The following TCERG1L variants were observed in gnomAD, a reference collection of about 807,000 sequenced individuals.
TCERG1L encodes transcription elongation regulator 1 like.
TCERG1L carries 37 observed loss-of-function variants against 56.3 expected under a neutral mutation model. The observed-to-expected ratio is 0.66, with a 90% CI of 0.51 to 0.87. The LOEUF is 0.87. Among genes scored for constraint, TCERG1L ranks in the 40% least tolerant of loss-of-function variants. TCERG1L has a pLI of 0.00. For synonymous variants in TCERG1L, 324 were observed against 326.3 expected, an observed-to-expected ratio of 0.99 and a Z score of 0.08; for missense variants, 799 against 774.2, an observed-to-expected ratio of 1.03 and a Z score of -0.38.
At chr10:131,174,344 T>C (rs1846124492) in intron 4 of TCERG1L, among the ~76,000 whole-genome samples, 1 of 152,170 alleles carries the variant, frequency 6.6e-6, no homozygotes, top group Admixed American at 6.5e-5. Flanking sequence ...GTGGGGCCGT[T>C]TCCCTGGGAG....
intron 9 of TCERG1L, among the ~76,000 whole-genome samples, chr10:131,109,916 C>A (rs1215253253): frequency 6.6e-5 from 10 of 152,204 alleles, no homozygotes; most frequent in African/African-American, 2.2e-4. Context: ...CAGGCCAGGG[C>A]GGCAGTTTCC....
intron 9 of TCERG1L, among the ~76,000 whole-genome samples, chr10:131,110,144 A>G (rs930273149): frequency 1.3e-5 from 2 of 152,192 alleles, no homozygotes; most frequent in African/African-American, 4.8e-5. Flanking sequence ...TCCCTTTCAC[A>G]GCGGTTTTCA....
At chr10:131,093,358 C>G in intron 11 of TCERG1L, 40 bp from the exon 12 acceptor site, 1 of 1,601,262 alleles carries the variant, frequency 6.2e-7, no homozygotes, top group Non-Finnish European at 8.5e-7. Context: ...TTCCAGAGAG[C>G]AACTCTGGCC....
At chr10:131,100,114 G>A (rs757254982) in intron 10 of TCERG1L, among the ~76,000 whole-genome samples, 6 of 152,170 alleles carry the variant, frequency 3.9e-5, no homozygotes, top group African/African-American at 9.7e-5. Flanking sequence ...TGATCCACCC[G>A]CCTCAGCCTT....
intron 3 of TCERG1L, among the ~76,000 whole-genome samples, chr10:131,278,557 G>A (rs1846418847): frequency 6.6e-6 from 1 of 151,882 alleles, no homozygotes; most frequent in Non-Finnish European, 1.5e-5. Context: ...TGGGCAGCTT[G>A]GTCTCGAACC....
At chr10:131,192,650 C>A (rs1255896651) in intron 4 of TCERG1L, among the ~76,000 whole-genome samples, 1 of 144,874 alleles carries the variant, frequency 6.9e-6, no homozygotes, top group Non-Finnish European at 1.5e-5. Flanking sequence ...GGTATATCTA[C>A]ACCATGGAAT....
chr10:131,120,129 C>T (rs946326666), intron 8 of TCERG1L, among the ~76,000 whole-genome samples: 12 of 152,148 alleles, frequency 7.9e-5, no homozygotes, highest in African/African-American at 2.9e-4. Context: ...AGCCTCTGAG[C>T]TTGCCAATCG....
intron 3 of TCERG1L, among the ~76,000 whole-genome samples, chr10:131,280,398 G>C (rs139798159): frequency 6.9e-6 from 1 of 143,956 alleles, no homozygotes; most frequent in Non-Finnish European, 1.5e-5. Context: ...GTCTGGAAAC[G>C]AGGGACAACC....
At chr10:131,116,623 C>T (rs1437986912) in intron 9 of TCERG1L, among the ~76,000 whole-genome samples, 176 bp downstream of exon 9, 1 of 152,158 alleles carries the variant, frequency 6.6e-6, no homozygotes, top group South Asian at 2.1e-4. Flanking sequence ...CCTGGGATGG[C>T]GACTCAGCCT....
chr10:131,184,688 G>A (rs943224746), intron 4 of TCERG1L, among the ~76,000 whole-genome samples: 9 of 152,180 alleles, frequency 5.9e-5, no homozygotes, highest in Non-Finnish European at 8.8e-5. Flanking sequence ...AGTTGTGAAC[G>A]GGAAGCCCAG....
At chr10:131,219,282 C>T (rs1845705017) in intron 4 of TCERG1L, among the ~76,000 whole-genome samples, 1 of 152,198 alleles carries the variant, frequency 6.6e-6, no homozygotes, top group Non-Finnish European at 1.5e-5. Flanking sequence ...CAGGAGAGCC[C>T]CTGTCCCCTG....
intron 4 of TCERG1L, among the ~76,000 whole-genome samples, chr10:131,187,780 A>G (rs1362730737): frequency 6.6e-6 from 1 of 152,162 alleles, no homozygotes; most frequent in Non-Finnish European, 1.5e-5. Flanking sequence ...ATGACAGGCC[A>G]ATGCAGCTGG....
intron 4 of TCERG1L, among the ~76,000 whole-genome samples, chr10:131,251,907 A>G (rs1010297617): frequency 6.6e-6 from 1 of 152,230 alleles, no homozygotes; most frequent in Non-Finnish European, 1.5e-5. Flanking sequence ...CTTCCCAAAC[A>G]GAAACTGTCC....
chr10:131,274,710 C>A (rs970001253), intron 3 of TCERG1L, among the ~76,000 whole-genome samples: 3 of 152,242 alleles, frequency 2.0e-5, no homozygotes, highest in Admixed American at 1.3e-4. Flanking sequence ...TCCTCCCAGG[C>A]CCCAGGAGGG....
rs1846897818 is a variant in TCERG1L at position 131,311,435 on chromosome 10, C to G, written c.201G>C (p.Pro67=). 1.0e-5 allele frequency: 12 copies of G among 1,176,298 alleles called. No homozygotes were observed. The highest frequency in any genetic ancestry group is 1.3e-5 in the Non-Finnish European group (12 of 953,930). The allele number at this position is 1,176,298 out of a possible 1,614,324, so 72.9% of individuals were successfully genotyped here. Residue 67 remains proline (P), a synonymous_variant, in exon 1 of 12, where the codon CCG becomes CCC. Transcript: ENST00000368642. The surrounding 1 kb of genome is among the most constrained non-coding windows in gnomAD (Gnocchi z 4.0). ...VVPPVLLASA[P]PPAAPLLPGL... ...CGGGGAGCAGCGGGGCCGCGGGCGG[C>G]GGGGCCGAGGCGAGCAGCACCGGGG...
chr10:131,114,174 T>G lies in TCERG1L; in HGVS notation c.1395+2625A>C, dbSNP rs890506869. Among the ~76,000 whole-genome samples the G allele has an allele frequency of 8.4e-5, 12 of 142,198 alleles. 2 individuals are homozygous for G. Among genetic ancestry groups the G allele is most frequent in the African/African-American group, 3.0e-4 (12 of 40,332 alleles). The allele number at this position is 142,198 out of a possible 152,430, so 93.3% of individuals were successfully genotyped here. On this transcript the variant is annotated intron_variant, in intron 9 of 11. Transcript: ENST00000368642. ...TTCATCACTCCACAAGTACATGAAT[T>G]TCTGAACGGAAGTATTGAACAAATG...
At position 131,281,688 on chromosome 10, in the gene TCERG1L, T is replaced by G. The variant is rs981722121; in HGVS notation, c.671-21244A>C. Among the ~76,000 whole-genome samples the G allele has an allele frequency of 3.9e-5, 6 of 152,136 alleles. 1 individual carries two copies. Among genetic ancestry groups the G allele is most frequent in the Admixed American group, 3.9e-4 (6 of 15,270 alleles). On this transcript the variant is annotated intron_variant, in intron 3 of 11. Coordinates refer to ENST00000368642, the MANE Select transcript of TCERG1L (RefSeq NM_174937.4). ...GTCCCCCTGGCTACTCTCCCGACGC[T>G]CCGTCCTAAAGTCCCTATTGGGAAT...
intron 3 of TCERG1L, among the ~76,000 whole-genome samples, chr10:131,263,009 C>A (rs1846248809): frequency 6.6e-6 from 1 of 152,022 alleles, no homozygotes; most frequent in South Asian, 2.1e-4. Flanking sequence ...TAGCTCATTT[C>A]TTTTTATTGT....
At position 131,132,907 on chromosome 10, in the gene TCERG1L, C is replaced by T. The variant is rs146869704; in HGVS notation, c.1259+1472G>A. 1.8e-4 allele frequency among the ~76,000 whole-genome samples: 28 copies of T among 152,358 alleles called. No individual in the cohort carries two copies. In the East Asian group the frequency reaches 5.0e-3, roughly 27 times the overall value. ...CCACGTGCGGCCCTAGACCTCCCCA[C>T]ATAGTGGCTCACAGGCTTCCACGTG... On this transcript the variant is annotated intron_variant, in intron 8 of 11. Transcript: ENST00000368642.
Sources: gnomAD v4.1 joint callset for allele counts (sites outside exome capture counted in the v4.1 genomes callset) on GRCh38, gnomAD v4.1.1 for gene constraint, Gnocchi (gnomAD v3.1) non-coding constraint, MANE v1.5 for transcripts, NCBI Gene and HGNC (gene_info 2026-07-23, HGNC 2026-07-21) for gene names.